BANK1: variants seen among roughly 807,000 people sequenced by gnomAD.
The protein encoded by BANK1 is B-cell scaffold protein with ankyrin repeats.
Under a neutral mutation model 94.5 loss-of-function variants are expected in BANK1, and 95 were observed. That is an observed-to-expected ratio of 1.00 (90% confidence interval 0.85 to 1.19). The LOEUF is 1.19. Ranked by LOEUF, BANK1 falls within the 50% of genes most tolerant of loss-of-function variation. The pLI, the probability that BANK1 is intolerant of heterozygous loss-of-function variation, is 0.00. For missense variants in BANK1, 987 were observed against 932.2 expected, an observed-to-expected ratio of 1.06 and a Z score of -0.77; for synonymous variants, 334 against 308.4, an observed-to-expected ratio of 1.08 and a Z score of -0.87.
Position 102,025,182 on chromosome 4 carries a change from C to G in BANK1, c.1286-19C>G. On this transcript the variant is annotated intron_variant, in intron 8 of 16. Coordinates refer to ENST00000322953, the MANE Select transcript of BANK1 (RefSeq NM_017935.5). ...GATGGTGTGTTTAAATGAAATCATG[C>G]AATCTTCATCATAAACAGCCACACA... 1 of 1,608,036 alleles carries G rather than the reference C, an allele frequency of 6.2e-7. No individual in the cohort carries two copies. The highest frequency in any genetic ancestry group is 8.5e-7 in the Non-Finnish European group (1 of 1,175,662).
At chr4:101,913,863 G>C (rs116464690) in intron 6 of BANK1, among the ~76,000 whole-genome samples, 3,859 of 152,204 alleles carry the variant, frequency 0.025, 59 homozygotes, top group South Asian at 0.045. Context: ...TCCCTTCTGG[G>C]TTTGAGATGA....
rs1728363926 is a variant in BANK1 at position 102,060,145 on chromosome 4, A to G, written c.1970-66A>G. The G allele has an allele frequency of 8.0e-6, 11 of 1,369,144 alleles. 1 individual carries two copies. The highest frequency in any genetic ancestry group is 2.4e-4 in the Middle Eastern group (1 of 4,156). The allele number at this position is 1,369,144 out of a possible 1,614,324, so 84.8% of individuals were successfully genotyped here. Reference sequence around the variant, plus strand: ...AGCTACTCCAATGGCTTATTTGTAGAGTGCTTTTGTTCCCAGTTGTCTACA... The same window carrying G: ...AGCTACTCCAATGGCTTATTTGTAGGGTGCTTTTGTTCCCAGTTGTCTACA... On this transcript the variant is annotated intron_variant, in intron 11 of 16. Coordinates refer to ENST00000322953, the MANE Select transcript of BANK1 (RefSeq NM_017935.5).
At chr4:101,803,784 T>A (rs1578325773) in intron 1 of BANK1, among the ~76,000 whole-genome samples, 1 of 150,428 alleles carries the variant, frequency 6.6e-6, no homozygotes, top group South Asian at 2.1e-4. Context: ...GATCACGAGG[T>A]CAGGAGATCG....
At chr4:102,026,559 TGGCTCATG>T (rs1727104106) in intron 9 of BANK1, among the ~76,000 whole-genome samples, 1 of 152,168 alleles carries the variant, frequency 6.6e-6, no homozygotes, top group African/African-American at 2.4e-5. Context: ...CTGGGCACAG[TGGCTCATG>T]CCTGTAATCC....
intron 6 of BANK1, among the ~76,000 whole-genome samples, chr4:101,903,343 G>C (rs934205722): frequency 6.6e-6 from 1 of 152,192 alleles, no homozygotes; most frequent in Non-Finnish European, 1.5e-5. Flanking sequence ...GTGCCTTCAT[G>C]AGAGGGACAA....
chr4:102,063,144 T>A lies in BANK1; in HGVS notation c.2212+6T>A. On this transcript the variant is annotated splice_donor_region_variant and intron_variant, in intron 13 of 16. Transcript: ENST00000322953. ...AGAAGAAGAAAATGTCTATAGTAAG[T>A]AAGATTCGCCTGCTATTCAAAAATA... The A allele has an allele frequency of 6.2e-7, 1 of 1,608,700 alleles. No homozygotes were observed. Among genetic ancestry groups the A allele is most frequent in the Non-Finnish European group, 8.5e-7 (1 of 1,175,350 alleles).
intron 1 of BANK1, among the ~76,000 whole-genome samples, chr4:101,800,946 C>T (rs370162991): frequency 7.2e-5 from 11 of 152,222 alleles, no homozygotes; most frequent in East Asian, 5.8e-4. Context: ...TTAGTAGAGA[C>T]GGGGTTTCAC....
intron 2 of BANK1, among the ~76,000 whole-genome samples, chr4:101,845,776 A>G (rs1311361929): frequency 6.6e-6 from 1 of 152,248 alleles, no homozygotes; most frequent in Non-Finnish European, 1.5e-5. Flanking sequence ...CATCAATGCA[A>G]TGTCAAATAA....
chr4:101,928,915 G>A (rs1723250505), intron 7 of BANK1, among the ~76,000 whole-genome samples: 1 of 151,520 alleles, frequency 6.6e-6, no homozygotes, highest in South Asian at 2.1e-4. Context: ...GCCACCCTCT[G>A]AGGAATTTCT....
At chr4:102,068,975 C>T (rs1448864112) in intron 13 of BANK1, among the ~76,000 whole-genome samples, 1 of 152,144 alleles carries the variant, frequency 6.6e-6, no homozygotes, top group Non-Finnish European at 1.5e-5. Flanking sequence ...TCTGAGTATA[C>T]CTCTTTGTAC....
rs142194435 is a variant in BANK1, at chr4:102,042,554, A to G, written c.1901-1285A>G. 3.8e-4 allele frequency among the ~76,000 whole-genome samples: 58 copies of G among 152,158 alleles called. 1 individual carries two copies. In the East Asian group the frequency reaches 0.01, roughly 27 times the overall value. ...ACTAATTTTTGATCAGATGGGGGGA[A>G]ATTTTCATCTAAAAAACGTCTCCGG... On this transcript the variant is annotated intron_variant, in intron 10 of 16. Coordinates refer to ENST00000322953, the MANE Select transcript of BANK1 (RefSeq NM_017935.5).
chr4:101,827,040 T>C (rs1441956194), intron 1 of BANK1, among the ~76,000 whole-genome samples: 1 of 151,954 alleles, frequency 6.6e-6, no homozygotes, highest in Non-Finnish European at 1.5e-5. Flanking sequence ...CGTTTCACTC[T>C]TTGTACTCAT....
intron 3 of BANK1, among the ~76,000 whole-genome samples, chr4:101,857,955 G>A (rs1288367385): frequency 6.6e-6 from 1 of 151,880 alleles, no homozygotes; most frequent in African/African-American, 2.4e-5. Context: ...TTTTTTGTGT[G>A]GGTCAATTGA....
intron 13 of BANK1, among the ~76,000 whole-genome samples, chr4:102,070,724 C>T (rs574735046): frequency 1.3e-5 from 2 of 152,258 alleles, no homozygotes; most frequent in East Asian, 1.9e-4. Context: ...TCCCACCTCG[C>T]TCATGCCTGG....
At chr4:101,986,147 GGGCTAATGTATGTGAGAAA>G (rs906786881) in intron 7 of BANK1, among the ~76,000 whole-genome samples, 1 of 152,046 alleles carries the variant, frequency 6.6e-6, no homozygotes, top group Non-Finnish European at 1.5e-5. Flanking sequence ...ATTTGTGTAA[GGGCTAATGTATGTGAGAAA>G]GGCACCAATA....
chr4:101,805,498 A>G (rs1725519887), intron 1 of BANK1, among the ~76,000 whole-genome samples: 1 of 152,052 alleles, frequency 6.6e-6, no homozygotes, highest in Non-Finnish European at 1.5e-5. Context: ...CTAATTAAGT[A>G]TCTGAAAAAG....
At chr4:101,836,532 A>G (rs1726836154) in intron 2 of BANK1, among the ~76,000 whole-genome samples, 3 of 152,194 alleles carry the variant, frequency 2.0e-5, no homozygotes, top group Non-Finnish European at 4.4e-5. Flanking sequence ...AAAATATTTC[A>G]GCATTCTCAA....
intron 7 of BANK1, among the ~76,000 whole-genome samples, chr4:101,927,247 AAG>A (rs762818017): frequency 6.6e-6 from 1 of 151,626 alleles, no homozygotes; most frequent in Non-Finnish European, 1.5e-5. Context: ...AAACACTTAC[AAG>A]ACCATCAGAT....
chr4:101,863,083 C>T (rs1415291360), intron 4 of BANK1, among the ~76,000 whole-genome samples: 3 of 151,360 alleles, frequency 2.0e-5, no homozygotes, highest in Non-Finnish European at 4.4e-5. Flanking sequence ...ATTTTTGTTA[C>T]TCTGAAAAGC....
Sources: allele counts gnomAD v4.1 joint callset (sites outside exome capture counted in the v4.1 genomes callset), GRCh38; gene constraint gnomAD v4.1.1; transcripts MANE v1.5; gene names NCBI Gene and HGNC (gene_info 2026-07-23, HGNC 2026-07-21).